The following CAMK1D variants were observed in gnomAD, a reference collection of about 807,000 sequenced individuals.
CAMK1D encodes calcium/calmodulin-dependent protein kinase type 1D.
A neutral mutation model predicts 47.7 loss-of-function variants in CAMK1D; 9 were observed. The observed-to-expected ratio is 0.19, with a 90% confidence interval of 0.11 to 0.33. The LOEUF is 0.33. CAMK1D is among the 10% of genes least tolerant of loss of function. The probability of loss-of-function intolerance (pLI) is 1.00; values close to 1 mark genes in which losing one functional copy is unlikely to be tolerated. For synonymous variants in CAMK1D, 184 were observed against 184.9 expected (o/e 0.99, Z 0.04); for missense variants, 291 against 488.7 (o/e 0.60, Z 3.81).
At position 12,392,316 on chromosome 10, in the gene CAMK1D, A is replaced by G. The variant is rs111288278; in HGVS notation, c.92+42406A>G. Among the ~76,000 whole-genome samples the G allele has an allele frequency of 5.7e-3, 863 of 152,156 alleles. 8 individuals carry two copies. Among genetic ancestry groups the G allele is most frequent in the African/African-American group, 0.019 (809 of 41,496 alleles). On this transcript the variant is annotated intron_variant, in intron 1 of 10. Transcript: ENST00000619168. ...GACTCTGTCTCAAAAAAACAAAACA[A>G]AATCAAAAATCAAAAACAAAAAACA... is the stretch of plus-strand genomic sequence containing the variant.
intron 3 of CAMK1D, among the ~76,000 whole-genome samples, chr10:12,733,252 A>G (rs188773325): frequency 2.5e-3 from 388 of 152,368 alleles, no homozygotes; most frequent in Admixed American, 4.2e-3. Flanking sequence ...GTGAAGCTAG[A>G]CAGATATTCT....
chr10:12,477,989 C>G (rs1833950330), intron 1 of CAMK1D, among the ~76,000 whole-genome samples: 1 of 147,798 alleles, frequency 6.8e-6, no homozygotes, highest in Non-Finnish European at 1.5e-5. Flanking sequence ...TTTATATCAC[C>G]TTTTCTTTTT....
intron 3 of CAMK1D, among the ~76,000 whole-genome samples, chr10:12,756,628 A>G (rs996359230): frequency 2.0e-5 from 3 of 152,206 alleles, no homozygotes; most frequent in Admixed American, 6.5e-5. Flanking sequence ...AAGGAAGATT[A>G]GAGACTGAAC....
intron 3 of CAMK1D, among the ~76,000 whole-genome samples, chr10:12,682,565 A>G (rs183595175): frequency 3.7e-4 from 57 of 152,342 alleles, no homozygotes; most frequent in Admixed American, 1.0e-3. Flanking sequence ...GAATATAGAT[A>G]TTGCAGCAGT....
At chr10:12,656,391 C>T (rs1387888731) in intron 2 of CAMK1D, among the ~76,000 whole-genome samples, 1 of 152,092 alleles carries the variant, frequency 6.6e-6, no homozygotes, top group Non-Finnish European at 1.5e-5. Flanking sequence ...ACTTGGGAGA[C>T]TGAGGTGGGA....
Position 12,648,161 on chromosome 10 carries a change from A to G in CAMK1D, c.225-18575A>G, listed in dbSNP as rs148274132. Among the ~76,000 whole-genome samples, 372 of 152,336 alleles carry G rather than the reference A, an allele frequency of 2.4e-3. 1 individual carries two copies. The highest frequency in any genetic ancestry group is 8.4e-3 in the African/African-American group (348 of 41,572). ...ATTTTTTATAGACCTTAAAGACATTATATTCCAGGACATACAGCCATTGTA... is the reference window on the plus strand; with the variant it reads ...ATTTTTTATAGACCTTAAAGACATTGTATTCCAGGACATACAGCCATTGTA... On this transcript the variant is annotated intron_variant, in intron 2 of 10. Transcript: ENST00000619168.
Position 12,431,974 on chromosome 10 carries a change from A to G in CAMK1D, c.92+82064A>G, listed in dbSNP as rs963981337. ...GACCTGTCATCCCTGGGGAGAGGCA[A>G]TCAAGAAGGCCGACCATGTCTCCTT... On this transcript the variant is annotated intron_variant, in intron 1 of 10. Transcript: ENST00000619168. Among the ~76,000 whole-genome samples the G allele has an allele frequency of 1.3e-5, 2 of 152,204 alleles. 1 individual carries two copies. The highest frequency in any genetic ancestry group is 4.1e-4 in the South Asian group (2 of 4,826).
chr10:12,670,958 C>G (rs1476221966), intron 3 of CAMK1D, among the ~76,000 whole-genome samples: 2 of 152,210 alleles, frequency 1.3e-5, no homozygotes, highest in African/African-American at 2.4e-5. Context: ...CAATCACTGT[C>G]AATTCCTCCC....
intron 1 of CAMK1D, among the ~76,000 whole-genome samples, chr10:12,444,323 TCAGGCATAAGAACCATGATGG>T (rs1564343787): frequency 6.6e-6 from 1 of 152,172 alleles, no homozygotes; most frequent in Non-Finnish European, 1.5e-5. Flanking sequence ...CCTCTGACAG[TCAGGCATAAGAACCATGATGG>T]AAACCTGCGT....
chr10:12,676,245 C>A (rs1392048423), intron 3 of CAMK1D, among the ~76,000 whole-genome samples: 1 of 152,206 alleles, frequency 6.6e-6, no homozygotes, highest in African/African-American at 2.4e-5. Flanking sequence ...TTAGCCACCA[C>A]GCCCAGCCAG....
chr10:12,617,205 G>C (rs547182316), intron 2 of CAMK1D, among the ~76,000 whole-genome samples: 1 of 152,256 alleles, frequency 6.6e-6, no homozygotes, highest in African/African-American at 2.4e-5. Flanking sequence ...CAAAGGAATC[G>C]TGACTGTTAA....
intron 3 of CAMK1D, among the ~76,000 whole-genome samples, chr10:12,668,013 T>C (rs746532357): frequency 2.2e-4 from 33 of 152,366 alleles, no homozygotes; most frequent in Non-Finnish European, 3.7e-4. Context: ...TTGTATGTTA[T>C]AGTCAGCCAT....
intron 1 of CAMK1D, among the ~76,000 whole-genome samples, chr10:12,361,588 C>T (rs1316099630): frequency 1.5e-5 from 2 of 133,474 alleles, no homozygotes; most frequent in African/African-American, 2.9e-5. Flanking sequence ...TGGAGTCTCG[C>T]TCTGTGGCCC....
At chr10:12,625,031 T>G (rs1839165714) in intron 2 of CAMK1D, among the ~76,000 whole-genome samples, 1 of 151,832 alleles carries the variant, frequency 6.6e-6, no homozygotes, top group Admixed American at 6.6e-5. Flanking sequence ...CCTTTCTTCT[T>G]CTTCTTTCGA....
At chr10:12,368,596 C>T (rs1837915892) in intron 1 of CAMK1D, among the ~76,000 whole-genome samples, 1 of 151,938 alleles carries the variant, frequency 6.6e-6, no homozygotes, top group African/African-American at 2.4e-5. Flanking sequence ...ACCTTTCCAG[C>T]TTGTTGTGAG....
intron 1 of CAMK1D, among the ~76,000 whole-genome samples, chr10:12,380,784 A>G (rs1838318281): frequency 6.6e-6 from 1 of 152,206 alleles, no homozygotes; most frequent in Non-Finnish European, 1.5e-5. Flanking sequence ...TGAACCCATG[A>G]GGCGGAGATT....
intron 2 of CAMK1D, among the ~76,000 whole-genome samples, chr10:12,572,044 C>A (rs201750212): frequency 1.9e-5 from 2 of 108,094 alleles, no homozygotes; most frequent in Non-Finnish European, 4.5e-5. Context: ...ACTAAACCCC[C>A]CCCCAAAAAA....
chr10:12,761,110 C>T (rs771625599), intron 4 of CAMK1D, 24 bp downstream of exon 4: 1 of 1,607,734 alleles, frequency 6.2e-7, no homozygotes, highest in Non-Finnish European at 8.5e-7. Context: ...TCAGCAGCAT[C>T]CTGCAGCCAC....
intron 1 of CAMK1D, among the ~76,000 whole-genome samples, chr10:12,478,374 T>C (rs1833964701): frequency 6.6e-6 from 1 of 152,086 alleles, no homozygotes; most frequent in African/African-American, 2.4e-5. Flanking sequence ...TGATCATGGC[T>C]TACTGCAGCC....
Sources: gnomAD v4.1 joint callset for allele counts (sites outside exome capture counted in the v4.1 genomes callset) on GRCh38, gnomAD v4.1.1 for gene constraint, MANE v1.5 for transcripts, NCBI Gene and HGNC (gene_info 2026-07-23, HGNC 2026-07-21) for gene names.